The following DCAF8L2 variants were observed in gnomAD, a reference collection of about 807,000 sequenced individuals.
DCAF8L2 encodes DDB1 and CUL4 associated factor 8 like 2.
For missense variants in DCAF8L2, 430 were observed against 490.7 expected, an observed-to-expected ratio of 0.88 and a Z score of 1.17; for synonymous variants, 200 against 190.9, an observed-to-expected ratio of 1.05 and a Z score of -0.39.
At chrX:27,671,413 T>G (rs10284070) in intron 2 of DCAF8L2, among the ~76,000 whole-genome samples, 2,059 of 112,276 alleles carry the variant, frequency 0.018, 46 homozygotes, top group African/African-American at 0.061. Context: ...TCCTGTGACA[T>G]TAGTAAGAAT....
At chrX:27,543,289 T>C in the DCAF8L2 span, among the ~76,000 whole-genome samples, 1 of 112,003 alleles carries the variant, frequency 8.9e-6, no homozygotes, top group African/African-American at 3.2e-5. Flanking sequence ...GATCACATGG[T>C]TGTAGGTGTG....
At chrX:27,720,454 A>G (rs1931858135) in intron 4 of DCAF8L2, among the ~76,000 whole-genome samples, 1 of 110,775 alleles carries the variant, frequency 9.0e-6, no homozygotes, top group African/African-American at 3.3e-5. Flanking sequence ...GCTCACTGCA[A>G]GCTCTGCCTC....
At chrX:27,535,677 T>C in the DCAF8L2 span, among the ~76,000 whole-genome samples, 2 of 112,013 alleles carry the variant, frequency 1.8e-5, no homozygotes, top group African/African-American at 6.5e-5. Flanking sequence ...TGCTATACTG[T>C]TGTATGTTCT....
At chrX:27,514,291 G>A in the DCAF8L2 span, among the ~76,000 whole-genome samples, 1 of 55,645 alleles carries the variant, frequency 1.8e-5, no homozygotes, top group Non-Finnish European at 4.9e-5. Context: ...ACATATGTGT[G>A]TGCATATGTG....
chrX:27,741,533 G>A (rs969691196), intron 4 of DCAF8L2, among the ~76,000 whole-genome samples: 1 of 110,316 alleles, frequency 9.1e-6, no homozygotes, highest in African/African-American at 3.3e-5. Context: ...GTGATAATAG[G>A]ATACAAGAGT....
In DCAF8L2 at chrX:27,749,172, G is replaced by A. The variant is rs568854185; in HGVS notation, c.*381G>A. Among the ~76,000 whole-genome samples the A allele has an allele frequency of 6.6e-4, 74 of 111,628 alleles. No homozygotes were observed. In the Middle Eastern group the frequency reaches 0.014, roughly 21 times the overall value. ...TACTCAAATCTGACAGTCTGAAAAC[G>A]GTTACCTTTTTACTTTTTTTCATCT... On this transcript the variant is annotated 3_prime_UTR_variant, in exon 5 of 5. Transcript: ENST00000451261.
At chrX:27,524,569 T>C in the DCAF8L2 span, among the ~76,000 whole-genome samples, 1 of 110,865 alleles carries the variant, frequency 9.0e-6, no homozygotes, top group Non-Finnish European at 1.9e-5. Flanking sequence ...TGCCTTCTGC[T>C]AGCTTTTGAA....
chrX:27,703,379 G>A (rs1398848780), intron 3 of DCAF8L2, among the ~76,000 whole-genome samples: 2 of 110,981 alleles, frequency 1.8e-5, no homozygotes, highest in Non-Finnish European at 3.8e-5. Context: ...AAACAATCTT[G>A]ATAAAGATGA....
At chrX:27,561,906 T>C in the DCAF8L2 span, among the ~76,000 whole-genome samples, 1 of 111,854 alleles carries the variant, frequency 8.9e-6, no homozygotes, top group Non-Finnish European at 1.9e-5. Context: ...TGTGTAGAAA[T>C]ATGTTTCATT....
chrX:27,639,330 TG>T (rs1928615610), intron 2 of DCAF8L2, among the ~76,000 whole-genome samples: 1 of 111,680 alleles, frequency 9.0e-6, no homozygotes, highest in African/African-American at 3.3e-5. Context: ...GGATTGTTAA[TG>T]GGTCCAAAAA....
the DCAF8L2 span, among the ~76,000 whole-genome samples, chrX:27,494,807 G>C: frequency 1.8e-5 from 2 of 111,767 alleles, no homozygotes; most frequent in East Asian, 5.6e-4. Context: ...CATTGAAATG[G>C]TTCTTTATAT....
chrX:27,494,125 C>A, the DCAF8L2 span, among the ~76,000 whole-genome samples: 1 of 111,341 alleles, frequency 9.0e-6, no homozygotes, highest in African/African-American at 3.3e-5. Flanking sequence ...ATGACTTTTG[C>A]GGCCAGGCAC....
chrX:27,564,641 C>T, the DCAF8L2 span, among the ~76,000 whole-genome samples: 10 of 108,489 alleles, frequency 9.2e-5, no homozygotes, highest in East Asian at 2.7e-3. Flanking sequence ...TGGATAATGG[C>T]GAGACTGGAA....
the DCAF8L2 span, among the ~76,000 whole-genome samples, chrX:27,486,765 T>C: frequency 1.8e-5 from 2 of 111,647 alleles, no homozygotes; most frequent in Non-Finnish European, 3.8e-5. Context: ...TCTTATCTAC[T>C]ATATGATTAG....
chrX:27,686,243 A>C (rs955645934), intron 3 of DCAF8L2, among the ~76,000 whole-genome samples: 1 of 111,228 alleles, frequency 9.0e-6, no homozygotes, highest in African/African-American at 3.3e-5. Flanking sequence ...TTATATATCC[A>C]AAAGAAAGGA....
chrX:27,611,407 A>G (rs1326913231), intron 1 of DCAF8L2, among the ~76,000 whole-genome samples: 1 of 109,590 alleles, frequency 9.1e-6, no homozygotes, highest in South Asian at 4.1e-4. Context: ...CAGGCAACCT[A>G]CAGAACGGGA....
At chrX:27,744,788 C>G (rs1402100749) in intron 4 of DCAF8L2, among the ~76,000 whole-genome samples, 1 of 111,052 alleles carries the variant, frequency 9.0e-6, no homozygotes, top group East Asian at 2.8e-4. Context: ...GAGTTTTGCA[C>G]CTCCTCTTTT....
the DCAF8L2 span, among the ~76,000 whole-genome samples, chrX:27,563,653 T>C: frequency 8.9e-6 from 1 of 112,413 alleles, no homozygotes; most frequent in African/African-American, 3.2e-5. Flanking sequence ...TTAAGCAATA[T>C]TGCTACAGAG....
intron 2 of DCAF8L2, among the ~76,000 whole-genome samples, chrX:27,653,725 TACACACACAC>T (rs34651746): frequency 8.7e-5 from 8 of 92,069 alleles, no homozygotes; most frequent in South Asian, 5.2e-4. Context: ...CAGATATGTA[TACACACACAC>T]ACACACACAC....
Sources: allele counts gnomAD v4.1 joint callset (sites outside exome capture counted in the v4.1 genomes callset), GRCh38; gene constraint gnomAD v4.1.1; transcripts MANE v1.5; gene names NCBI Gene and HGNC (gene_info 2026-07-23, HGNC 2026-07-21).